Variants in RAB26 observed in about 807,000 individuals in gnomAD.
RAB26 encodes ras-related protein Rab-26.
In RAB26, 39 loss-of-function variants were observed where a neutral mutation model predicts 33.1. The observed-to-expected ratio is 1.18, with a 90% CI of 0.91 to 1.54. The LOEUF (loss-of-function observed/expected upper bound fraction) is 1.54. Ranked by LOEUF, RAB26 falls within the 40% of genes most tolerant of loss-of-function variation. RAB26 has a pLI of 0.00. For synonymous variants in RAB26, 192 were observed against 151.9 expected (o/e 1.26, Z -1.94); for missense variants, 468 against 362.9 (o/e 1.29, Z -2.35).
chr16:2,148,320 C>G (rs1290122649), upstream of RAB26: 1 of 152,474 alleles, frequency 6.6e-6, no homozygotes, highest in African/African-American at 2.4e-5. Context: ...ACCCCTTCCT[C>G]CCAGGTCTGG....
In RAB26 at chr16:2,148,896, C is replaced by A; in HGVS notation, c.113C>A (p.Pro38His). 1 of 1,348,308 alleles carries A rather than the reference C, an allele frequency of 7.4e-7. No individual in the cohort carries two copies. Among genetic ancestry groups the A allele is most frequent in the East Asian group, 3.1e-5 (1 of 32,562 alleles). The allele number at this position is 1,348,308 out of a possible 1,614,324, so 83.5% of individuals were successfully genotyped here. The change falls in exon 1 of 9, where the codon CCC becomes CAC. Residue 38 changes from proline to histidine, a missense_variant. By Grantham distance (77) the Pro-to-His change is moderately conservative. Transcript: ENST00000210187. Reference sequence around the variant, plus strand: ...CGCTCCGGGACTGCGCTTTCCGGCCCCGACGCGCCGCCCAACGGGCCCTTG... The same window carrying A: ...CGCTCCGGGACTGCGCTTTCCGGCCACGACGCGCCGCCCAACGGGCCCTTG... ...PARSGTALSGPDAPPNGPLQP... is the reference protein window; with the variant it reads ...PARSGTALSGHDAPPNGPLQP...
At position 2,153,673 on chromosome 16, in the gene RAB26, G is replaced by A. The variant is rs1044884893; in HGVS notation, c.*252G>A. ...TGCACGGGACGGGGAGCGGCAAGTG[G>A]ACAGACTTTGCCACGGTGCTCTGCT... On this transcript the variant is annotated 3_prime_UTR_variant, in exon 9 of 9. Coordinates refer to ENST00000210187, the MANE Select transcript of RAB26 (RefSeq NM_014353.5). The A allele has an allele frequency of 1.7e-5, 11 of 644,592 alleles. No individual in the cohort carries two copies. In the Admixed American group the frequency reaches 2.1e-4, roughly 12 times the overall value. 39.9% of individuals were successfully genotyped at this position (644,592 alleles called of 1,614,324 possible).
rs373363539 is a variant in RAB26 at position 2,151,793 on chromosome 16, C to T, written c.415+32C>T. On this transcript the variant is annotated intron_variant, in intron 4 of 8. Transcript: ENST00000210187. The stretch of plus-strand genomic sequence containing the variant: ...CCCTGGGTACCTGGGCTGGTTGGGG[C>T]GGGGGTCTGAGCACCTGAGGGTGCA... 1.9e-5 allele frequency: 30 copies of T among 1,613,730 alleles called. No homozygotes were observed. In the East Asian group the frequency reaches 4.2e-4, roughly 23 times the overall value.
rs779623560 is a variant in RAB26 at position 2,153,755 on chromosome 16, G to T, written c.*334G>T. 2 of 523,906 alleles carry T rather than the reference G, an allele frequency of 3.8e-6. No homozygotes were observed. Among genetic ancestry groups the T allele is most frequent in the African/African-American group, 1.9e-5 (1 of 52,696 alleles). The allele number at this position is 523,906 out of a possible 1,614,324, so 32.5% of individuals were successfully genotyped here. A position where few individuals can be genotyped will look rare whatever the true frequency, so the allele number is the denominator to read the frequency against. ...GGCTGGGGCTGGCACCACGCACAGT[G>T]CCTAACCCTAGAAAAGCCATGTCTT... is the stretch of plus-strand genomic sequence containing the variant. On this transcript the variant is annotated 3_prime_UTR_variant, in exon 9 of 9. Transcript: ENST00000210187.
intron 1 of RAB26, 97 bp from the exon 2 acceptor site, chr16:2,149,844 C>A: frequency 1.1e-6 from 1 of 922,704 alleles, no homozygotes; most frequent in Non-Finnish European, 1.6e-6. Flanking sequence ...CAGGCCTGGG[C>A]TGCCTCCCTC....
intron 1 of RAB26, among the ~76,000 whole-genome samples, chr16:2,149,479 T>TC (rs2092997544): frequency 6.6e-6 from 1 of 151,672 alleles, no homozygotes; most frequent in South Asian, 2.1e-4. Flanking sequence ...CACTTGCACC[T>TC]CCCCCCAACC....
At position 2,152,562 on chromosome 16, in the gene RAB26, T is replaced by C. The variant is rs561622676; in HGVS notation, c.469-258T>C. On this transcript the variant is annotated intron_variant, in intron 5 of 8. Coordinates refer to ENST00000210187, the MANE Select transcript of RAB26 (RefSeq NM_014353.5). ...GGTGCGTAACTGTAATCCCAGTCAC[T>C]TGGGAGGCTGAACCCTCCCAAGGTT... Among the ~76,000 whole-genome samples the C allele has an allele frequency of 7.9e-5, 12 of 151,878 alleles. No individual in the cohort carries two copies. In the South Asian group the frequency reaches 2.5e-3, roughly 32 times the overall value.
In RAB26 at chr16:2,153,007, CGT is replaced by C; in HGVS notation, c.557_558del (p.Val186GlyfsTer56). On this transcript the variant is annotated frameshift_variant, in exon 7 of 9. Coordinates refer to ENST00000210187, the MANE Select transcript of RAB26 (RefSeq NM_014353.5). LOFTEE classifies it high-confidence loss of function. Reference protein sequence around the residue: ...LGNKVDSAHERVVKREDGEKL... With the variant: ...LGNKVDSAHEXVVKREDGEKL... Reference sequence around the variant, plus strand: ...GGGCCAGGTGGACTCTGCCCATGAGCGTGTGGTGAAGAGGGAGGACGGGGAGA... The same window carrying C: ...GGGCCAGGTGGACTCTGCCCATGAGCGTGGTGAAGAGGGAGGACGGGGAGA... 6.3e-7 allele frequency: 1 copy of C among 1,595,564 alleles called. No homozygotes were observed. Among genetic ancestry groups the C allele is most frequent in the South Asian group, 1.1e-5 (1 of 89,196 alleles).
At chr16:2,149,030 G>T in intron 1 of RAB26, 52 bp downstream of exon 1, 1 of 1,256,452 alleles carries the variant, frequency 8.0e-7, no homozygotes, top group South Asian at 3.2e-5. Context: ...CGCCCGGCCT[G>T]AGCCAAGGGT....
At chr16:2,149,483 C>G (rs1001450925) in intron 1 of RAB26, among the ~76,000 whole-genome samples, 1 of 152,068 alleles carries the variant, frequency 6.6e-6, no homozygotes, top group African/African-American at 2.4e-5. Flanking sequence ...TGCACCTCCC[C>G]CCAACCTCAG....
rs369743785 is a variant in RAB26, at chr16:2,153,687, C to T, written c.*266C>T. On this transcript the variant is annotated 3_prime_UTR_variant, in exon 9 of 9. Transcript: ENST00000210187. ...AGCGGCAAGTGGACAGACTTTGCCACGGTGCTCTGCTGCCCCCTCCTGGGC... is the reference window on the plus strand; with the variant it reads ...AGCGGCAAGTGGACAGACTTTGCCATGGTGCTCTGCTGCCCCCTCCTGGGC... The T allele has an allele frequency of 3.5e-5, 22 of 624,788 alleles. No individual in the cohort carries two copies. The highest frequency in any genetic ancestry group is 5.1e-5 in the Non-Finnish European group (17 of 336,346). The allele number at this position is 624,788 out of a possible 1,614,324, so 38.7% of individuals were successfully genotyped here.
At chr16:2,149,205 T>G (rs1392438336) in intron 1 of RAB26, among the ~76,000 whole-genome samples, 1 of 151,816 alleles carries the variant, frequency 6.6e-6, no homozygotes, top group Admixed American at 6.6e-5. Flanking sequence ...CCAGGCGGCA[T>G]GGTGGCACAA....
At chr16:2,151,269 G>C (rs36234) in intron 2 of RAB26, 197,037 of 567,932 alleles carry the variant, frequency 0.35, 37,446 homozygotes, top group East Asian at 0.45. Context: ...GTTGCAGCTC[G>C]TTAGTTACTG....
chr16:2,150,465 C>G (rs1301378461), intron 2 of RAB26, among the ~76,000 whole-genome samples: 2 of 151,398 alleles, frequency 1.3e-5, no homozygotes, highest in African/African-American at 4.9e-5. Context: ...TGAGGAGCGC[C>G]CACCCCCACC....
rs900978737 is a variant in RAB26, at chr16:2,150,119, G to A, written c.306+68G>A. 5.0e-6 allele frequency: 7 copies of A among 1,391,158 alleles called. No individual in the cohort carries two copies. In the African/African-American group the frequency reaches 1.0e-4, roughly 20 times the overall value. The allele number at this position is 1,391,158 out of a possible 1,614,324, so 86.2% of individuals were successfully genotyped here. On this transcript the variant is annotated intron_variant, in intron 2 of 8. Coordinates refer to ENST00000210187, the MANE Select transcript of RAB26 (RefSeq NM_014353.5). ...GGTACCCGAGCAGCAAGTTCTCTCT[G>A]ATCCCCATGGTACCAACAGGCTCGA... is the stretch of plus-strand genomic sequence containing the variant.
At chr16:2,150,616 C>T (rs2093001817) in intron 2 of RAB26, among the ~76,000 whole-genome samples, 1 of 33,354 alleles carries the variant, frequency 3.0e-5, no homozygotes, top group African/African-American at 4.7e-5. Flanking sequence ...AAAGGGGCTC[C>T]CTCCAGTCTG....
At chr16:2,152,794 C>G (rs756374062) in intron 5 of RAB26, 26 bp from the exon 6 acceptor site, 2 of 1,598,692 alleles carry the variant, frequency 1.3e-6, no homozygotes, top group African/African-American at 2.7e-5. Context: ...GCAGGGAGCC[C>G]CAGCCTGGTC....
At chr16:2,152,005 G>A (rs777575381) in intron 5 of RAB26, 97 bp downstream of exon 5, 17 of 1,479,018 alleles carry the variant, frequency 1.1e-5, no homozygotes, top group Admixed American at 3.7e-5. Context: ...AAAGGACCCC[G>A]CTGAGAGAGG....
chr16:2,151,456 C>G, intron 2 of RAB26, 113 bp from the exon 3 acceptor site: 1 of 1,482,036 alleles, frequency 6.7e-7, no homozygotes, highest in South Asian at 1.1e-5. Context: ...CCTGCAGGGG[C>G]TGGGCTGGAC....
Sources: gnomAD v4.1 joint callset for allele counts (sites outside exome capture counted in the v4.1 genomes callset) on GRCh38, gnomAD v4.1.1 for gene constraint, MANE v1.5 for transcripts, NCBI Gene and HGNC (gene_info 2026-07-23, HGNC 2026-07-21) for gene names.